TUSC3: variants seen among roughly 807,000 people sequenced by gnomAD.
The protein encoded by TUSC3 is dolichyl-diphosphooligosaccharide--protein glycosyltransferase subunit TUSC3.
TUSC3 carries 45 observed loss-of-function variants against 44.8 expected under a neutral mutation model. The ratio of observed to expected loss-of-function variants is 1.00; its 90% confidence interval spans 0.79 to 1.29. TUSC3 has a LOEUF of 1.29. Among genes scored for constraint, TUSC3 ranks in the 50% most tolerant of loss-of-function variants. The pLI, the probability that TUSC3 is intolerant of heterozygous loss-of-function variation, is 0.00. For synonymous variants in TUSC3, 212 were observed against 152.9 expected (o/e 1.39, Z -2.85); for missense variants, 519 against 437.9 (o/e 1.19, Z -1.65).
chr8:15,491,871 A>C (rs1800813606), intron 2 of TUSC3, among the ~76,000 whole-genome samples: 1 of 152,164 alleles, frequency 6.6e-6, no homozygotes, highest in African/African-American at 2.4e-5. Context: ...CTCTCTCCTA[A>C]GTAGTTTTTA....
chr8:15,725,733 A>G (rs1326306874), intron 6 of TUSC3, among the ~76,000 whole-genome samples: 1 of 152,212 alleles, frequency 6.6e-6, no homozygotes, highest in East Asian at 1.9e-4. Flanking sequence ...CAAAGAGCTT[A>G]ACAATTTGAA....
the TUSC3 span, among the ~76,000 whole-genome samples, chr8:15,832,005 G>T: frequency 6.6e-6 from 1 of 152,206 alleles, no homozygotes; most frequent in South Asian, 2.1e-4. Flanking sequence ...ATTCTCCAAG[G>T]TCAAAATGAA....
chr8:15,423,777 G>A (rs1799767217), intron 1 of TUSC3, among the ~76,000 whole-genome samples: 1 of 151,888 alleles, frequency 6.6e-6, no homozygotes. Flanking sequence ...TGAGGTAAAT[G>A]GAAATTGTCC....
intron 2 of TUSC3, among the ~76,000 whole-genome samples, chr8:15,503,714 A>C (rs866030548): frequency 6.6e-6 from 1 of 152,028 alleles, no homozygotes; most frequent in East Asian, 1.9e-4. Context: ...TTAAACAAAA[A>C]AATATCGGCC....
chr8:15,679,041 A>T lies in TUSC3; in HGVS notation c.798+5205A>T, dbSNP rs115103846. 3.4e-3 allele frequency among the ~76,000 whole-genome samples: 518 copies of T among 152,260 alleles called. 4 individuals are homozygous for T. Among genetic ancestry groups the T allele is most frequent in the African/African-American group, 0.012 (493 of 41,536 alleles). ...CCTAGGTTGATTTAATGTCTTTGCT[A>T]TTGTGAATAACGCTACAGTGAACAT... On this transcript the variant is annotated intron_variant, in intron 6 of 10. Transcript: ENST00000503731.
intron 6 of TUSC3, among the ~76,000 whole-genome samples, chr8:15,723,086 C>G (rs1225842578): frequency 6.6e-6 from 1 of 152,118 alleles, no homozygotes; most frequent in Non-Finnish European, 1.5e-5. Context: ...CAGTTTCATG[C>G]ACACACTATT....
chr8:15,611,626 T>G (rs1345603851), intron 1 of TUSC3, among the ~76,000 whole-genome samples: 1 of 152,220 alleles, frequency 6.6e-6, no homozygotes, highest in Non-Finnish European at 1.5e-5. Context: ...GTGTGTGCTG[T>G]ATGCATTTTA....
chr8:15,841,853 T>C, the TUSC3 span, among the ~76,000 whole-genome samples: 3 of 152,236 alleles, frequency 2.0e-5, no homozygotes, highest in African/African-American at 7.2e-5. Flanking sequence ...ACAAATGTAC[T>C]TCTTTCACTC....
intron 1 of TUSC3, among the ~76,000 whole-genome samples, chr8:15,471,226 G>C (rs576779018): frequency 6.6e-6 from 1 of 152,194 alleles, no homozygotes; most frequent in South Asian, 2.1e-4. Flanking sequence ...TTTCTTAAAT[G>C]TCTGTATAGC....
the TUSC3 span, among the ~76,000 whole-genome samples, chr8:15,841,190 C>A: frequency 6.6e-6 from 1 of 152,042 alleles, no homozygotes; most frequent in African/African-American, 2.4e-5. Flanking sequence ...TATACACACA[C>A]ACATATATAC....
rs74686252 is a variant in TUSC3, at chr8:15,452,136, G to C, written n.92-31250G>C. Among the ~76,000 whole-genome samples, 746 of 152,240 alleles carry C rather than the reference G, an allele frequency of 4.9e-3. 3 individuals carry two copies. Among genetic ancestry groups the C allele is most frequent in the Non-Finnish European group, 8.3e-3 (564 of 68,022 alleles). On this transcript the variant is annotated intron_variant and non_coding_transcript_variant, in intron 1 of 5. Coordinates refer to the TUSC3 transcript ENST00000503191. ...AATAGTGTTTTACATGACGTTAACC[G>C]TGAAGTTATTGAGTGTTATGTGTGA...
chr8:15,500,850 G>C (rs192140514), intron 2 of TUSC3, among the ~76,000 whole-genome samples: 162 of 152,266 alleles, frequency 1.1e-3, no homozygotes, highest in African/African-American at 3.7e-3. Flanking sequence ...AAGAATCTCA[G>C]TTTTCTTTCT....
intron 6 of TUSC3, among the ~76,000 whole-genome samples, chr8:15,682,743 G>A (rs988927122): frequency 6.6e-6 from 1 of 151,160 alleles, no homozygotes; most frequent in Non-Finnish European, 1.5e-5. Context: ...TAGAGTCTCT[G>A]GGCCATGTGC....
intron 1 of TUSC3, among the ~76,000 whole-genome samples, chr8:15,612,889 C>T (rs747725007): frequency 2.6e-5 from 4 of 151,958 alleles, no homozygotes; most frequent in East Asian, 1.9e-4. Flanking sequence ...CTTCACTGAT[C>T]GGACCAGTCT....
At chr8:15,821,770 T>C in the TUSC3 span, among the ~76,000 whole-genome samples, 4 of 143,082 alleles carry the variant, frequency 2.8e-5, no homozygotes, top group Non-Finnish European at 6.0e-5. Flanking sequence ...GTAATTTCCT[T>C]TTATATACTT....
the TUSC3 span, among the ~76,000 whole-genome samples, chr8:15,792,257 T>C: frequency 4.6e-3 from 695 of 152,304 alleles, 6 homozygotes; most frequent in African/African-American, 0.016. Flanking sequence ...ATAGGTTGGC[T>C]CTCATATTTC....
At chr8:15,616,866 C>G (rs1042093288) in intron 1 of TUSC3, among the ~76,000 whole-genome samples, 4 of 152,060 alleles carry the variant, frequency 2.6e-5, no homozygotes, top group African/African-American at 7.2e-5. Flanking sequence ...CATGCCTGGC[C>G]CAGCCACAGG....
At chr8:15,489,271 G>A (rs562751869) in intron 2 of TUSC3, among the ~76,000 whole-genome samples, 4 of 152,280 alleles carry the variant, frequency 2.6e-5, no homozygotes, top group African/African-American at 9.6e-5. Context: ...TTTCTAATTG[G>A]CAATTGACTG....
intron 1 of TUSC3, among the ~76,000 whole-genome samples, chr8:15,553,029 G>C (rs1459441485): frequency 6.6e-6 from 1 of 151,570 alleles, no homozygotes; most frequent in Non-Finnish European, 1.5e-5. Context: ...AGGAGACAAG[G>C]GTGATGACTA....
Sources: gnomAD v4.1 joint callset for allele counts (sites outside exome capture counted in the v4.1 genomes callset) on GRCh38, gnomAD v4.1.1 for gene constraint, MANE v1.5 for transcripts, NCBI Gene and HGNC (gene_info 2026-07-23, HGNC 2026-07-21) for gene names.